The following SYK variants were observed in gnomAD, a reference collection of about 807,000 sequenced individuals.
The protein encoded by SYK is tyrosine-protein kinase SYK.
Under a neutral mutation model 77.8 loss-of-function variants are expected in SYK, and 16 were observed. The ratio of observed to expected loss-of-function variants is 0.21; its 90% CI spans 0.14 to 0.31. SYK has a LOEUF of 0.31. Ranked by LOEUF, SYK falls within the 10% of genes least tolerant of loss-of-function variation. The pLI is 1.00. For synonymous variants in SYK, 312 were observed against 308.7 expected (o/e 1.01, Z -0.11); for missense variants, 529 against 814.4 (o/e 0.65, Z 4.26).
At position 90,875,224 on chromosome 9, in the gene SYK, C is replaced by A. The variant is rs1172809175; in HGVS notation, c.1181+375C>A. 3.3e-5 allele frequency among the ~76,000 whole-genome samples: 5 copies of A among 149,448 alleles called. No homozygotes were observed. In the East Asian group the frequency reaches 7.8e-4, roughly 23 times the overall value. ...GACCAGCCTGGGCAACATAGCAAGACCCTGTCTCTACAAAAAAAATAAATA... is the reference window on the plus strand; with the variant it reads ...GACCAGCCTGGGCAACATAGCAAGAACCTGTCTCTACAAAAAAAATAAATA... On this transcript the variant is annotated intron_variant, in intron 9 of 13. Transcript: ENST00000375754.
intron 1 of SYK, among the ~76,000 whole-genome samples, chr9:90,812,357 C>A (rs528706313): frequency 9.2e-5 from 14 of 152,130 alleles, no homozygotes; most frequent in Non-Finnish European, 1.9e-4. Flanking sequence ...ATTCTGTCCT[C>A]CAATGAAGAG....
intron 1 of SYK, among the ~76,000 whole-genome samples, chr9:90,841,078 TGTG>T (rs1160737651): frequency 6.6e-6 from 1 of 151,868 alleles, no homozygotes; most frequent in Admixed American, 6.6e-5. Context: ...TGTACTATGG[TGTG>T]TGTGTGGCAT....
intron 1 of SYK, among the ~76,000 whole-genome samples, chr9:90,808,688 C>A (rs1001710756): frequency 6.6e-6 from 1 of 152,066 alleles, no homozygotes; most frequent in Non-Finnish European, 1.5e-5. Context: ...TCCTGCGAGG[C>A]GTCTTCTGCT....
intron 7 of SYK, among the ~76,000 whole-genome samples, chr9:90,873,690 A>G (rs1408150211): frequency 6.6e-6 from 1 of 152,132 alleles, no homozygotes; most frequent in Non-Finnish European, 1.5e-5. Context: ...CTGCATCTCC[A>G]CCGAAGATAA....
chr9:90,804,773 A>G (rs1264827812), intron 1 of SYK, among the ~76,000 whole-genome samples: 1 of 152,228 alleles, frequency 6.6e-6, no homozygotes, highest in Non-Finnish European at 1.5e-5. Context: ...CTTAGATTTG[A>G]ACAGGTTGGA....
At chr9:90,839,684 G>A (rs886452833) in intron 1 of SYK, among the ~76,000 whole-genome samples, 1 of 152,170 alleles carries the variant, frequency 6.6e-6, no homozygotes, top group Non-Finnish European at 1.5e-5. Context: ...TTCCTACAAA[G>A]TTACTGTCTC....
intron 1 of SYK, among the ~76,000 whole-genome samples, chr9:90,841,173 GT>G (rs1219169715): frequency 1.3e-5 from 2 of 150,654 alleles, no homozygotes; most frequent in African/African-American, 2.4e-5. Flanking sequence ...GTTTGTGTGT[GT>G]TTTTATGTGT....
At chr9:90,823,972 A>G (rs1825595613) in intron 1 of SYK, among the ~76,000 whole-genome samples, 1 of 152,072 alleles carries the variant, frequency 6.6e-6, no homozygotes, top group South Asian at 2.1e-4. Context: ...GTTCTTTGAA[A>G]TCATCAACCA....
At chr9:90,890,456 A>C (rs1828745161) in intron 13 of SYK, among the ~76,000 whole-genome samples, 5 of 152,236 alleles carry the variant, frequency 3.3e-5, no homozygotes, top group Admixed American at 3.3e-4. Context: ...CAGTCTCCTT[A>C]AGAGAGTATT....
At chr9:90,831,211 T>C (rs1398300834) in intron 1 of SYK, among the ~76,000 whole-genome samples, 1 of 152,118 alleles carries the variant, frequency 6.6e-6, no homozygotes, top group Non-Finnish European at 1.5e-5. Flanking sequence ...CTTCAATCGC[T>C]AAGGACTGCT....
chr9:90,876,427 A>G (rs1301037344), intron 9 of SYK, among the ~76,000 whole-genome samples: 1 of 152,224 alleles, frequency 6.6e-6, no homozygotes, highest in African/African-American at 2.4e-5. Context: ...ACATACACAC[A>G]TATGTATACA....
chr9:90,852,497 T>C (rs1479779075), intron 3 of SYK, among the ~76,000 whole-genome samples: 3 of 152,238 alleles, frequency 2.0e-5, no homozygotes, highest in Admixed American at 2.0e-4. Flanking sequence ...AAAAAGTCCA[T>C]GCCAGGCAAA....
At position 90,842,071 on chromosome 9, in the gene SYK, G is replaced by A. The variant is rs560529764; in HGVS notation, c.-41-1787G>A. On this transcript the variant is annotated intron_variant, in intron 1 of 13. Coordinates refer to ENST00000375754, the MANE Select transcript of SYK (RefSeq NM_003177.7). ...AGTTGGTGTGTGTGATGTGTGTAGT[G>A]TCCATGTAGTACATGGTGTGTGTAG... Among the ~76,000 whole-genome samples, 34 of 138,584 alleles carry A rather than the reference G, an allele frequency of 2.5e-4. No individual in the cohort carries two copies. The South Asian group carries it at 7.8e-3, about 32-fold the overall frequency. 90.9% of individuals were successfully genotyped at this position (138,584 alleles called of 152,430 possible).
chr9:90,848,802 G>A (rs3789897), intron 3 of SYK, among the ~76,000 whole-genome samples: 45,488 of 152,116 alleles, frequency 0.3, 7,011 homozygotes, highest in South Asian at 0.39. Context: ...GAGAAAAGAC[G>A]CTGAACAATA....
intron 11 of SYK, among the ~76,000 whole-genome samples, chr9:90,884,949 A>T (rs373858946): frequency 0.25 from 17,264 of 69,292 alleles, 4,515 homozygotes; most frequent in Middle Eastern, 0.43. Context: ...GTGTATATAT[A>T]TACACACATA....
chr9:90,882,217 C>A (rs1828184438), intron 11 of SYK, among the ~76,000 whole-genome samples: 1 of 152,102 alleles, frequency 6.6e-6, no homozygotes, highest in Non-Finnish European at 1.5e-5. Context: ...TCAGAAGAAA[C>A]CTGAAATAAC....
chr9:90,865,850 A>G (rs1388096935), intron 6 of SYK, among the ~76,000 whole-genome samples: 2 of 149,428 alleles, frequency 1.3e-5, no homozygotes, highest in African/African-American at 5.0e-5. Context: ...TGCTCTAAGC[A>G]GGAATTATTT....
intron 1 of SYK, among the ~76,000 whole-genome samples, chr9:90,803,346 A>C (rs1379950675): frequency 6.6e-6 from 1 of 152,184 alleles, no homozygotes; most frequent in Non-Finnish European, 1.5e-5. Context: ...GGATTTGAAC[A>C]CTAGGAAAAA....
At chr9:90,820,863 T>C (rs997968106) in intron 1 of SYK, among the ~76,000 whole-genome samples, 2 of 132,250 alleles carry the variant, frequency 1.5e-5, no homozygotes, top group African/African-American at 7.5e-5. Flanking sequence ...TTTATGCTCT[T>C]TTTTTTTTTT....
Sources: allele counts gnomAD v4.1 joint callset (sites outside exome capture counted in the v4.1 genomes callset), GRCh38; gene constraint gnomAD v4.1.1; transcripts MANE v1.5; gene names NCBI Gene and HGNC (gene_info 2026-07-23, HGNC 2026-07-21).